SERINC5: variants seen among roughly 807,000 people sequenced by gnomAD.
SERINC5 encodes the protein serine incorporator 5.
A neutral mutation model predicts 63.1 loss-of-function variants in SERINC5; 41 were observed. That is an observed-to-expected ratio of 0.65 (90% confidence interval 0.51 to 0.84). The LOEUF (loss-of-function observed/expected upper bound fraction) is 0.84, where lower values mean the gene tolerates loss of function less well. Ranked by LOEUF, SERINC5 falls within the 40% of genes least tolerant of loss-of-function variation. The pLI is 0.00. For synonymous variants in SERINC5, 222 were observed against 215.2 expected (o/e 1.03, Z -0.28); for missense variants, 523 against 573.0 (o/e 0.91, Z 0.89).
intron 11 of SERINC5, among the ~76,000 whole-genome samples, chr5:80,129,590 T>A (rs1445785730): frequency 1.3e-5 from 2 of 152,230 alleles, no homozygotes; most frequent in Non-Finnish European, 2.9e-5. Flanking sequence ...ATTATAGGCA[T>A]GAGCCACTGT....
intron 1 of SERINC5, among the ~76,000 whole-genome samples, chr5:80,217,375 G>A (rs1296733899): frequency 7.2e-5 from 11 of 152,130 alleles, no homozygotes; most frequent in Admixed American, 2.0e-4. Context: ...CTATGTGCCA[G>A]CCCAATCCCC....
At chr5:80,147,749 G>C (rs907539765) in intron 9 of SERINC5, among the ~76,000 whole-genome samples, 4 of 152,128 alleles carry the variant, frequency 2.6e-5, no homozygotes, top group Non-Finnish European at 5.9e-5. Flanking sequence ...CTCAGCCTCT[G>C]CTTCTGGAGA....
chr5:80,149,045 T>C lies in SERINC5; in HGVS notation c.1054-1761A>G, dbSNP rs73125964. ...AAACTATGAACTCTCACTTTCAAAG[T>C]TGTATCCTGTGAAATGTGACGCAGG... On this transcript the variant is annotated intron_variant, in intron 9 of 11. Coordinates refer to ENST00000507668, the MANE Select transcript of SERINC5 (RefSeq NM_001174072.3). 8.2e-3 allele frequency among the ~76,000 whole-genome samples: 1,255 copies of C among 152,324 alleles called. 14 individuals carry two copies. The highest frequency in any genetic ancestry group is 0.029 in the African/African-American group (1,210 of 41,566).
intron 11 of SERINC5, among the ~76,000 whole-genome samples, chr5:80,145,150 C>A (rs1022286227): frequency 5.3e-5 from 8 of 151,700 alleles, no homozygotes; most frequent in Admixed American, 2.0e-4. Context: ...ACCAGCCTAG[C>A]CAATATGGTG....
At chr5:80,212,879 A>G (rs915308111) in intron 1 of SERINC5, among the ~76,000 whole-genome samples, 3 of 152,308 alleles carry the variant, frequency 2.0e-5, no homozygotes, top group Non-Finnish European at 2.9e-5. Flanking sequence ...AACTCAACAC[A>G]TACACATGTG....
Position 80,203,020 on chromosome 5 carries a change from G to C in SERINC5, c.61C>G (p.Leu21Val), listed in dbSNP as rs1178445581. Residue 21 changes from leucine to valine, a missense_variant, in exon 2 of 12, where the codon CTC (leucine) becomes GTC (valine). By Grantham distance (32) the Leu-to-Val change is conservative. Transcript: ENST00000507668. The stretch of plus-strand genomic sequence containing the variant: ...ATCCTGGGGCAGCAATCACAGCAGA[G>C]AGAGCAGCCTGCAGACCCACAGCAG... ...ACCCGSAGCS[L>V]CCDCCPRIRQ... 15 of 1,612,304 alleles carry C rather than the reference G, an allele frequency of 9.3e-6. No homozygotes were observed. The highest frequency in any genetic ancestry group is 1.3e-5 in the Non-Finnish European group (15 of 1,179,134).
intron 2 of SERINC5, among the ~76,000 whole-genome samples, chr5:80,193,279 T>C (rs900383363): frequency 3.9e-5 from 6 of 152,236 alleles, no homozygotes; most frequent in Non-Finnish European, 7.3e-5. Flanking sequence ...CTGAGGCTAC[T>C]TTTTCTTCCA....
chr5:80,252,420 G>A (rs922015210), intron 1 of SERINC5, among the ~76,000 whole-genome samples: 10 of 152,080 alleles, frequency 6.6e-5, no homozygotes, highest in African/African-American at 2.4e-4. Context: ...TAGCCCTTAA[G>A]TTAAAGGAGA....
intron 2 of SERINC5, among the ~76,000 whole-genome samples, chr5:80,181,467 T>C (rs1222640980): frequency 2.6e-5 from 4 of 151,088 alleles, no homozygotes; most frequent in African/African-American, 7.3e-5. Context: ...TTCACCATGT[T>C]GACCAAACTG....
intron 5 of SERINC5, among the ~76,000 whole-genome samples, chr5:80,174,059 C>T (rs1747854710): frequency 6.6e-6 from 1 of 151,974 alleles, no homozygotes; most frequent in African/African-American, 2.4e-5. Flanking sequence ...ATGAGCTCTA[C>T]AGTGAGAACA....
chr5:80,222,256 C>G (rs1233570080), intron 1 of SERINC5, among the ~76,000 whole-genome samples: 1 of 152,106 alleles, frequency 6.6e-6, no homozygotes, highest in East Asian at 1.9e-4. Context: ...GGAAAATCTG[C>G]TACGCTATGC....
chr5:80,222,802 G>A (rs1459951858), intron 1 of SERINC5, among the ~76,000 whole-genome samples: 2 of 151,974 alleles, frequency 1.3e-5, no homozygotes, highest in African/African-American at 2.4e-5. Flanking sequence ...TCGAACTCCT[G>A]GCCTCAGGTG....
chr5:80,190,551 A>G (rs868843439), intron 2 of SERINC5, among the ~76,000 whole-genome samples: 58 of 152,318 alleles, frequency 3.8e-4, no homozygotes, highest in African/African-American at 1.2e-3. Flanking sequence ...GCTCTAAACT[A>G]GGGGGATACG....
chr5:80,163,009 T>C (rs569837929), intron 7 of SERINC5, among the ~76,000 whole-genome samples: 1 of 151,966 alleles, frequency 6.6e-6, no homozygotes, highest in South Asian at 2.1e-4. Flanking sequence ...TGCACACCAC[T>C]ATGACTGGCT....
intron 6 of SERINC5, chr5:80,166,689 T>C (rs1747325412): frequency 2.3e-6 from 1 of 428,678 alleles, no homozygotes; most frequent in Non-Finnish European, 4.3e-6. Flanking sequence ...ACATTGCTAC[T>C]TCAAAGACAT....
At chr5:80,111,862 A>T (rs1010092854) in intron 12 of SERINC5, among the ~76,000 whole-genome samples, 33 of 152,260 alleles carry the variant, frequency 2.2e-4, no homozygotes, top group African/African-American at 8.0e-4. Context: ...TTGTGCTCAC[A>T]GAAACATGTG....
At chr5:80,252,058 C>CTTTTTT (rs3038416) in intron 1 of SERINC5, among the ~76,000 whole-genome samples, 1 of 103,514 alleles carries the variant, frequency 9.7e-6, no homozygotes, top group African/African-American at 3.7e-5. Context: ...TTTTCTTTTC[C>CTTTTTT]TTTTTTTTTT....
chr5:80,129,995 G>T (rs1385269158), intron 11 of SERINC5, among the ~76,000 whole-genome samples: 1 of 152,184 alleles, frequency 6.6e-6, no homozygotes, highest in African/African-American at 2.4e-5. Context: ...TTTGATAAGT[G>T]AAACAAAATT....
intron 1 of SERINC5, among the ~76,000 whole-genome samples, chr5:80,219,475 G>C (rs1428737159): frequency 6.6e-6 from 1 of 152,130 alleles, no homozygotes; most frequent in Non-Finnish European, 1.5e-5. Flanking sequence ...GGAACGAATA[G>C]GTGTGTGCCT....
Sources: allele counts gnomAD v4.1 joint callset (sites outside exome capture counted in the v4.1 genomes callset), GRCh38; gene constraint gnomAD v4.1.1; transcripts MANE v1.5; gene names NCBI Gene and HGNC (gene_info 2026-07-23, HGNC 2026-07-21).